The following LRBA variants were observed in gnomAD, a reference collection of about 807,000 sequenced individuals.
LRBA encodes lipopolysaccharide-responsive and beige-like anchor protein.
LRBA carries 176 observed loss-of-function variants against 330.0 expected under a neutral mutation model. The ratio of observed to expected loss-of-function variants is 0.53; its 90% CI spans 0.47 to 0.60. LRBA has a LOEUF of 0.60. Among genes scored for constraint, LRBA ranks in the 20% least tolerant of loss-of-function variants. The probability of loss-of-function intolerance (pLI) is 0.00; values close to 1 mark genes in which losing one functional copy is unlikely to be tolerated. For missense variants in LRBA, 3,259 were observed against 3,444.8 expected, an observed-to-expected ratio of 0.95 and a Z score of 1.35; for synonymous variants, 1,230 against 1,193.0, an observed-to-expected ratio of 1.03 and a Z score of -0.64.
intron 35 of LRBA, among the ~76,000 whole-genome samples, chr4:150,747,774 T>C (rs1222017600): frequency 6.6e-6 from 1 of 152,198 alleles, no homozygotes; most frequent in Non-Finnish European, 1.5e-5. Flanking sequence ...AATCTTGTAA[T>C]GTCCAAGAGC....
At chr4:150,543,032 C>A (rs1439221514) in intron 40 of LRBA, among the ~76,000 whole-genome samples, 1 of 152,074 alleles carries the variant, frequency 6.6e-6, no homozygotes, top group East Asian at 1.9e-4. Context: ...ATTCACCAGT[C>A]CCCCACAAAA....
At chr4:150,266,942 T>C (rs947753908) in intron 56 of LRBA, among the ~76,000 whole-genome samples, 1 of 151,974 alleles carries the variant, frequency 6.6e-6, no homozygotes, top group African/African-American at 2.4e-5. Context: ...AGTCTTTCAG[T>C]CAAAAACTGT....
rs1282013502 is a variant in LRBA, at chr4:150,465,803, A to G, written c.6780+1870T>C. Among the ~76,000 whole-genome samples, 3 of 152,122 alleles carry G rather than the reference A, an allele frequency of 2.0e-5. No homozygotes were observed. The East Asian group carries it at 5.8e-4, about 29-fold the overall frequency. ...AAATTAAAACTCCCTTTTAGAGTTC[A>G]GTAAGTAGATATAGAAACTGGTACA... is the stretch of plus-strand genomic sequence containing the variant. On this transcript the variant is annotated intron_variant, in intron 44 of 56. Transcript: ENST00000651943.
At chr4:150,768,810 T>A (rs920627413) in intron 34 of LRBA, among the ~76,000 whole-genome samples, 1 of 151,268 alleles carries the variant, frequency 6.6e-6, no homozygotes, top group African/African-American at 2.4e-5. Flanking sequence ...AAACAGACAA[T>A]ATTGTTAAGA....
At chr4:150,592,344 C>A (rs931759835) in intron 38 of LRBA, among the ~76,000 whole-genome samples, 5 of 151,108 alleles carry the variant, frequency 3.3e-5, no homozygotes, top group African/African-American at 7.3e-5. Context: ...TTGATAAGTA[C>A]GTTTACGGAT....
At chr4:150,290,377 G>A (rs1438966807) in intron 53 of LRBA, among the ~76,000 whole-genome samples, 1 of 152,072 alleles carries the variant, frequency 6.6e-6, no homozygotes, top group Non-Finnish European at 1.5e-5. Flanking sequence ...CAATAGTTAA[G>A]GGATACAAAA....
intron 47 of LRBA, among the ~76,000 whole-genome samples, chr4:150,414,451 A>G (rs1016444101): frequency 1.3e-5 from 2 of 152,158 alleles, no homozygotes; most frequent in Non-Finnish European, 2.9e-5. Context: ...CTTTTAATGT[A>G]GAGTGTGGTA....
intron 28 of LRBA, among the ~76,000 whole-genome samples, chr4:150,839,884 TAA>T (rs561470627): frequency 2.1e-5 from 3 of 144,110 alleles, no homozygotes. Context: ...CTTAAAGTAT[TAA>T]AAAAAAAAAA....
chr4:150,529,272 C>T lies in LRBA; in HGVS notation c.6331-38237G>A, dbSNP rs1035032951. Reference sequence around the variant, plus strand: ...ATCTGGAAGCCACTCTTTACCTTTACGGTGAGTATGCATGTTCCTCTCAAA... The same window carrying T: ...ATCTGGAAGCCACTCTTTACCTTTATGGTGAGTATGCATGTTCCTCTCAAA... On this transcript the variant is annotated intron_variant, in intron 40 of 56. Transcript: ENST00000651943. Among the ~76,000 whole-genome samples, 10 of 152,262 alleles carry T rather than the reference C, an allele frequency of 6.6e-5. No homozygotes were observed. The South Asian group carries it at 1.5e-3, about 22-fold the overall frequency.
chr4:150,921,557 C>T (rs1733277344), intron 4 of LRBA, among the ~76,000 whole-genome samples: 1 of 151,898 alleles, frequency 6.6e-6, no homozygotes, highest in Non-Finnish European at 1.5e-5. Flanking sequence ...CAAGCTGCAG[C>T]AAAAATGATC....
At chr4:150,641,709 G>C (rs957465373) in intron 37 of LRBA, among the ~76,000 whole-genome samples, 1 of 151,930 alleles carries the variant, frequency 6.6e-6, no homozygotes, top group African/African-American at 2.4e-5. Context: ...TATGCACAAG[G>C]GCAAGAATTA....
At chr4:150,768,693 G>A (rs1736113514) in intron 34 of LRBA, among the ~76,000 whole-genome samples, 1 of 150,580 alleles carries the variant, frequency 6.6e-6, no homozygotes, top group Admixed American at 6.7e-5. Context: ...TCTGTGTTAT[G>A]CTTAGGAATG....
At chr4:150,919,070 A>G (rs1455942948) in intron 5 of LRBA, among the ~76,000 whole-genome samples, 2 of 152,232 alleles carry the variant, frequency 1.3e-5, no homozygotes, top group Non-Finnish European at 2.9e-5. Flanking sequence ...AATACCAGCC[A>G]TAAAAAGGAA....
At chr4:150,428,253 C>A (rs79952261) in intron 46 of LRBA, among the ~76,000 whole-genome samples, 3,957 of 152,062 alleles carry the variant, frequency 0.026, 160 homozygotes, top group African/African-American at 0.09. Flanking sequence ...AACTTCATAA[C>A]TTAATACACT....
intron 42 of LRBA, among the ~76,000 whole-genome samples, chr4:150,476,524 C>G (rs988363208): frequency 6.6e-6 from 1 of 152,076 alleles, no homozygotes; most frequent in Non-Finnish European, 1.5e-5. Flanking sequence ...AAATGAAGCC[C>G]CCTACACCAC....
intron 44 of LRBA, among the ~76,000 whole-genome samples, chr4:150,464,236 T>G (rs745871616): frequency 2.0e-5 from 3 of 152,036 alleles, no homozygotes; most frequent in Non-Finnish European, 4.4e-5. Context: ...AGGCAATACT[T>G]CTAGGACCCT....
At chr4:150,410,909 T>C (rs1000957136) in intron 47 of LRBA, among the ~76,000 whole-genome samples, 1 of 152,176 alleles carries the variant, frequency 6.6e-6, no homozygotes, top group Admixed American at 6.6e-5. Context: ...CAGTATAATA[T>C]GTAGGTCCAA....
In LRBA at chr4:150,831,955, A is replaced by C. The variant is rs114610541; in HGVS notation, c.4591T>G (p.Phe1531Val). Reference sequence around the variant, plus strand: ...AAGTATACTACTGCCAAGGCTAAAAATTGAGCTTGTTTGCTATCCTCCTGG... The same window carrying C: ...AAGTATACTACTGCCAAGGCTAAAACTTGAGCTTGTTTGCTATCCTCCTGG... ...RDIEDSKQAQFLALAVVYFIS... is the reference protein window; with the variant it reads ...RDIEDSKQAQVLALAVVYFIS... Residue 1531 changes from phenylalanine to valine, a missense_variant, in exon 29 of 57, where the codon TTT becomes GTT. Physicochemically the swap from Phe to Val is conservative, Grantham distance 50. Coordinates refer to ENST00000651943, the MANE Select transcript of LRBA (RefSeq NM_001364905.1). 1.6e-3 allele frequency: 2,388 copies of C among 1,532,294 alleles called. 4 individuals are homozygous for C. Among genetic ancestry groups the C allele is most frequent in the Admixed American group, 3.3e-3 (168 of 51,312 alleles). 94.9% of individuals were successfully genotyped at this position (1,532,294 alleles called of 1,614,324 possible). A position where few individuals can be genotyped will look rare whatever the true frequency, so the allele number is the denominator to read the frequency against.
intron 47 of LRBA, among the ~76,000 whole-genome samples, chr4:150,411,404 T>C (rs2151945524): frequency 6.6e-6 from 1 of 152,296 alleles, no homozygotes; most frequent in East Asian, 1.9e-4. Context: ...CCTCTTGAAT[T>C]AACAACCAAA....
Sources: gnomAD v4.1 joint callset for allele counts (sites outside exome capture counted in the v4.1 genomes callset) on GRCh38, gnomAD v4.1.1 for gene constraint, MANE v1.5 for transcripts, NCBI Gene and HGNC (gene_info 2026-07-23, HGNC 2026-07-21) for gene names.